Variants in AGBL4 observed in about 807,000 individuals in gnomAD.
AGBL4 encodes cytosolic carboxypeptidase 6.
Under a neutral mutation model 66.4 loss-of-function variants are expected in AGBL4, and 58 were observed. The observed-to-expected ratio is 0.87, with a 90% CI of 0.71 to 1.09. AGBL4 has a LOEUF of 1.09. Ranked by LOEUF, AGBL4 falls within the 50% of genes least tolerant of loss-of-function variation. The pLI, the probability that AGBL4 is intolerant of heterozygous loss-of-function variation, is 0.00. For synonymous variants in AGBL4, 234 were observed against 222.9 expected (o/e 1.05, Z -0.44); for missense variants, 579 against 631.0 (o/e 0.92, Z 0.88).
intron 3 of AGBL4, among the ~76,000 whole-genome samples, chr1:49,378,334 C>G (rs540099675): frequency 6.6e-6 from 1 of 152,194 alleles, no homozygotes; most frequent in South Asian, 2.1e-4. Context: ...GGGACGTAAT[C>G]TATATCCCAC....
intron 3 of AGBL4, among the ~76,000 whole-genome samples, chr1:49,316,349 T>C (rs1382176312): frequency 2.6e-5 from 4 of 151,872 alleles, no homozygotes; most frequent in African/African-American, 9.7e-5. Flanking sequence ...CAGAGGAAAT[T>C]GAAGGAGTGG....
chr1:49,646,447 A>G (rs1645889721), intron 3 of AGBL4, among the ~76,000 whole-genome samples: 2 of 152,068 alleles, frequency 1.3e-5, no homozygotes, highest in South Asian at 2.1e-4. Context: ...ATAGCATTAA[A>G]ATACAAAATA....
At chr1:49,354,000 A>C (rs936037723) in intron 3 of AGBL4, among the ~76,000 whole-genome samples, 2 of 152,198 alleles carry the variant, frequency 1.3e-5, no homozygotes, top group Admixed American at 1.3e-4. Context: ...ATACAAAAAA[A>C]AGACCCAGGT....
intron 6 of AGBL4, among the ~76,000 whole-genome samples, chr1:48,693,903 C>T (rs765663982): frequency 6.6e-6 from 1 of 152,020 alleles, no homozygotes; most frequent in Non-Finnish European, 1.5e-5. Context: ...CACGGAATTG[C>T]GAGGATCTGG....
At chr1:48,730,443 C>T (rs978001529) in intron 6 of AGBL4, among the ~76,000 whole-genome samples, 1 of 152,114 alleles carries the variant, frequency 6.6e-6, no homozygotes. Context: ...GAAGATTCCC[C>T]CAGCTCGAAG....
chr1:49,062,897 T>G (rs1644427766), intron 4 of AGBL4, among the ~76,000 whole-genome samples: 1 of 152,194 alleles, frequency 6.6e-6, no homozygotes, highest in Admixed American at 6.5e-5. Context: ...CTATTGATCT[T>G]CACACATTTA....
rs201023974 is a variant in AGBL4, at chr1:48,847,434, C to T, written c.634+19757G>A. ...AAAAAAGCCTGTATTTTAGAATTGG[C>T]GTTCTCAGCCACTTATGATCCTGAG... On this transcript the variant is annotated intron_variant, in intron 6 of 13. Transcript: ENST00000371839. 4.0e-5 allele frequency among the ~76,000 whole-genome samples: 6 copies of T among 149,006 alleles called. No individual in the cohort carries two copies. In the East Asian group the frequency reaches 5.9e-4, roughly 15 times the overall value.
intron 3 of AGBL4, among the ~76,000 whole-genome samples, chr1:49,284,692 T>C (rs1307426031): frequency 2.6e-5 from 4 of 151,348 alleles, no homozygotes; most frequent in Non-Finnish European, 5.9e-5. Flanking sequence ...ACTAAGCAAA[T>C]GGAAAACAAA....
At chr1:49,452,891 T>C (rs915655114) in intron 3 of AGBL4, among the ~76,000 whole-genome samples, 3 of 151,876 alleles carry the variant, frequency 2.0e-5, no homozygotes, top group African/African-American at 2.4e-5. Context: ...GTAGGAGACA[T>C]AGGGGAAAGC....
At chr1:49,589,817 G>A (rs1024480111) in intron 3 of AGBL4, among the ~76,000 whole-genome samples, 7 of 152,004 alleles carry the variant, frequency 4.6e-5, no homozygotes, top group Non-Finnish European at 1.0e-4. Context: ...AGCCCTGTGT[G>A]GGAATGTATA....
rs562731379 is a variant in AGBL4 at position 49,540,289 on chromosome 1, T to A, written c.282+157024A>T. 4.6e-5 allele frequency among the ~76,000 whole-genome samples: 7 copies of A among 152,346 alleles called. No homozygotes were observed. In the East Asian group the frequency reaches 1.3e-3, roughly 29 times the overall value. On this transcript the variant is annotated intron_variant, in intron 3 of 13. Transcript: ENST00000371839. ...CTTTTTATTCTTCCATGACTTTGTA[T>A]ATTACTTCCTCTGTCTAGATTGTCT...
intron 3 of AGBL4, among the ~76,000 whole-genome samples, chr1:49,247,737 T>C (rs538509965): frequency 1.3e-5 from 2 of 152,230 alleles, no homozygotes; most frequent in African/African-American, 4.8e-5. Context: ...AAATGAGAAA[T>C]AAAGTGAAAC....
At chr1:49,412,803 G>C (rs1409578775) in intron 3 of AGBL4, among the ~76,000 whole-genome samples, 1 of 152,094 alleles carries the variant, frequency 6.6e-6, no homozygotes, top group African/African-American at 2.4e-5. Flanking sequence ...TTTCTGAAGA[G>C]AGTACAACAC....
At chr1:48,685,326 G>C (rs571286671) in intron 6 of AGBL4, among the ~76,000 whole-genome samples, 2 of 152,200 alleles carry the variant, frequency 1.3e-5, no homozygotes, top group African/African-American at 4.8e-5. Flanking sequence ...ATCTTACAGA[G>C]ATGTTTTACT....
intron 9 of AGBL4, among the ~76,000 whole-genome samples, chr1:48,608,989 G>A (rs1645195679): frequency 6.6e-6 from 1 of 152,182 alleles, no homozygotes; most frequent in South Asian, 2.1e-4. Context: ...ATTGATGAGG[G>A]ACCCTTGGCT....
chr1:49,518,780 A>T (rs1650030835), intron 3 of AGBL4, among the ~76,000 whole-genome samples: 1 of 152,094 alleles, frequency 6.6e-6, no homozygotes, highest in Non-Finnish European at 1.5e-5. Context: ...AAATGTATGA[A>T]TCACAAAATA....
chr1:49,347,086 T>TAAGTTA (rs1645645715), intron 3 of AGBL4, among the ~76,000 whole-genome samples: 1 of 152,196 alleles, frequency 6.6e-6, no homozygotes, highest in South Asian at 2.1e-4. Flanking sequence ...AGCCAGTAGT[T>TAAGTTA]ACACAAAGAT....
intron 11 of AGBL4, among the ~76,000 whole-genome samples, chr1:48,569,660 G>A (rs772050644): frequency 2.5e-4 from 38 of 152,332 alleles, no homozygotes; most frequent in South Asian, 8.3e-4. Flanking sequence ...AAGCCATGAA[G>A]TCAAAAAGCA....
rs1456799545 is a variant in AGBL4 at position 48,736,301 on chromosome 1, T to G, written c.635-73060A>C. On this transcript the variant is annotated intron_variant, in intron 6 of 13. Coordinates refer to ENST00000371839, the MANE Select transcript of AGBL4 (RefSeq NM_032785.4). This position sits in a 1 kb window ranked among gnomAD's most constrained non-coding sequence, Gnocchi z 4.0. The stretch of plus-strand genomic sequence containing the variant: ...TTTAGGGACTGCATCTTTCTTTTTT[T>G]TTGTGGCGACGCCTGTGACGCTTCT... The G allele has an allele frequency of 6.2e-7, 1 of 1,614,096 alleles. No individual in the cohort carries two copies. The highest frequency in any genetic ancestry group is 2.2e-5 in the East Asian group (1 of 44,900).
Sources: allele counts gnomAD v4.1 joint callset (sites outside exome capture counted in the v4.1 genomes callset), GRCh38; gene constraint gnomAD v4.1.1; non-coding constraint Gnocchi (gnomAD v3.1); transcripts MANE v1.5; gene names NCBI Gene and HGNC (gene_info 2026-07-23, HGNC 2026-07-21).